CTNNA3: variants seen among roughly 807,000 people sequenced by gnomAD.
CTNNA3 encodes catenin alpha 3, also known as catenin alpha-3.
A neutral mutation model predicts 95.7 loss-of-function variants in CTNNA3; 76 were observed. That is an observed-to-expected ratio of 0.79 (90% confidence interval 0.66 to 0.96). The LOEUF is 0.96. Ranked by LOEUF, CTNNA3 falls within the 40% of genes least tolerant of loss-of-function variation. CTNNA3 has a pLI of 0.00. For synonymous variants in CTNNA3, 431 were observed against 374.4 expected (o/e 1.15, Z -1.74); for missense variants, 1,191 against 1,089.8 (o/e 1.09, Z -1.31).
At chr10:67,197,241 T>C (rs1437035823) in intron 6 of CTNNA3, among the ~76,000 whole-genome samples, 1 of 152,094 alleles carries the variant, frequency 6.6e-6, no homozygotes, top group African/African-American at 2.4e-5. Flanking sequence ...TCAATTGTTA[T>C]TCCTGTGGAG....
intron 10 of CTNNA3, among the ~76,000 whole-genome samples, chr10:66,539,093 T>G (rs367936780): frequency 2.6e-5 from 4 of 152,126 alleles, no homozygotes; most frequent in African/African-American, 9.7e-5. Flanking sequence ...TTGTTCAAAG[T>G]GTCATCTGCT....
At chr10:67,613,149 AAC>A (rs1404899453) in intron 2 of CTNNA3, among the ~76,000 whole-genome samples, 1 of 152,202 alleles carries the variant, frequency 6.6e-6, no homozygotes, top group African/African-American at 2.4e-5. Context: ...TTAGGCTCAG[AAC>A]AGGAAATGTT....
chr10:66,234,274 A>T (rs1226729835), intron 13 of CTNNA3, among the ~76,000 whole-genome samples: 1 of 152,156 alleles, frequency 6.6e-6, no homozygotes, highest in Non-Finnish European at 1.5e-5. Context: ...ATAATCCAAA[A>T]ATATATATAT....
chr10:66,612,453 C>T (rs1844360229), intron 10 of CTNNA3, among the ~76,000 whole-genome samples: 1 of 152,114 alleles, frequency 6.6e-6, no homozygotes, highest in African/African-American at 2.4e-5. Context: ...CTACAACTTA[C>T]CTTTCCACAG....
rs1023348358 is a variant in CTNNA3, at chr10:65,917,375, G to T, written c.*2955C>A. ...ATTTTAATTTGTCATAAATTAAAGG[G>T]AATGATTTCTATTTCTCACTTTTTA... On this transcript the variant is annotated 3_prime_UTR_variant, in exon 18 of 18. Transcript: ENST00000433211. 6.6e-6 allele frequency: 1 copy of T among 151,778 alleles called. No homozygotes were observed. Among genetic ancestry groups the T allele is most frequent in the Non-Finnish European group, 1.5e-5 (1 of 67,952 alleles). 9.4% of individuals were successfully genotyped at this position (151,778 alleles called of 1,614,324 possible).
intron 7 of CTNNA3, among the ~76,000 whole-genome samples, chr10:67,058,602 A>C (rs764086797): frequency 6.6e-6 from 1 of 152,098 alleles, no homozygotes; most frequent in South Asian, 2.1e-4. Context: ...TTGCCCTGCA[A>C]GGCCCCTTTT....
At chr10:66,670,302 T>G (rs1041418735) in intron 9 of CTNNA3, among the ~76,000 whole-genome samples, 2 of 152,126 alleles carry the variant, frequency 1.3e-5, no homozygotes, top group Non-Finnish European at 2.9e-5. Flanking sequence ...CCAAATCAAG[T>G]TGCTGGCCAG....
At chr10:67,752,493 G>A (rs1841412715) in intron 1 of CTNNA3, among the ~76,000 whole-genome samples, 2 of 152,186 alleles carry the variant, frequency 1.3e-5, no homozygotes, top group Non-Finnish European at 2.9e-5. Flanking sequence ...AATCAGGCAA[G>A]AGAAGGAAAT....
chr10:67,155,086 A>C (rs921858486), intron 7 of CTNNA3, among the ~76,000 whole-genome samples: 1 of 152,174 alleles, frequency 6.6e-6, no homozygotes, highest in South Asian at 2.1e-4. Flanking sequence ...ATTAATTTAG[A>C]GGACTACTGT....
At chr10:66,416,380 C>A (rs1488203850) in intron 11 of CTNNA3, among the ~76,000 whole-genome samples, 1 of 151,754 alleles carries the variant, frequency 6.6e-6, no homozygotes, top group Non-Finnish European at 1.5e-5. Context: ...AGTTTAAAAA[C>A]CTATTTAATG....
intron 9 of CTNNA3, among the ~76,000 whole-genome samples, chr10:66,641,623 C>T (rs1036679180): frequency 6.6e-6 from 1 of 152,080 alleles, no homozygotes; most frequent in Admixed American, 6.6e-5. Context: ...TTATTTAAAA[C>T]ATATTTAATA....
At chr10:66,816,271 T>C (rs1160632866) in intron 7 of CTNNA3, among the ~76,000 whole-genome samples, 1 of 151,996 alleles carries the variant, frequency 6.6e-6, no homozygotes, top group East Asian at 1.9e-4. Context: ...AATGGAGGAA[T>C]GGAGGAGCAC....
At chr10:66,162,080 T>A (rs1349256020) in intron 13 of CTNNA3, among the ~76,000 whole-genome samples, 1 of 152,108 alleles carries the variant, frequency 6.6e-6, no homozygotes, top group Non-Finnish European at 1.5e-5. Context: ...AGCTATCTAT[T>A]TTCTTGAATA....
chr10:66,376,906 A>G (rs1303350265), intron 12 of CTNNA3, among the ~76,000 whole-genome samples: 1 of 152,210 alleles, frequency 6.6e-6, no homozygotes, highest in African/African-American at 2.4e-5. Flanking sequence ...AACGATGAAC[A>G]TCTCCTGTTA....
chr10:67,700,168 C>T (rs1564835823), upstream of CTNNA3, among the ~76,000 whole-genome samples: 1 of 152,242 alleles, frequency 6.6e-6, no homozygotes, highest in African/African-American at 2.4e-5. Context: ...GGCCTGCCTG[C>T]CTCTGTAGGC....
chr10:66,108,456 C>G (rs1365553125), intron 13 of CTNNA3, among the ~76,000 whole-genome samples: 2 of 152,148 alleles, frequency 1.3e-5, no homozygotes, highest in Non-Finnish European at 2.9e-5. Flanking sequence ...CATGGGAGCT[C>G]AGATGCTCTC....
intron 12 of CTNNA3, among the ~76,000 whole-genome samples, chr10:66,282,649 C>G (rs775778855): frequency 7.3e-5 from 11 of 151,676 alleles, no homozygotes; most frequent in East Asian, 1.9e-4. Context: ...ATAGTTCTTC[C>G]CATGTCTAAA....
intron 11 of CTNNA3, among the ~76,000 whole-genome samples, chr10:66,499,414 G>A (rs1840203909): frequency 6.6e-6 from 1 of 152,114 alleles, no homozygotes; most frequent in Admixed American, 6.6e-5. Flanking sequence ...AAAGGTTCCA[G>A]ATGGAAAAAC....
chr10:66,866,630 A>G (rs2132427245), intron 7 of CTNNA3, among the ~76,000 whole-genome samples: 1 of 152,310 alleles, frequency 6.6e-6, no homozygotes, highest in East Asian at 1.9e-4. Context: ...ACATCTACCA[A>G]GAACTCACAC....
Sources: gnomAD v4.1 joint callset for allele counts (sites outside exome capture counted in the v4.1 genomes callset) on GRCh38, gnomAD v4.1.1 for gene constraint, MANE v1.5 for transcripts, NCBI Gene and HGNC (gene_info 2026-07-23, HGNC 2026-07-21) for gene names.